Variants in CYP24A1 observed in about 807,000 individuals in gnomAD.
CYP24A1 encodes the protein 1,25-dihydroxyvitamin D(3) 24-hydroxylase, mitochondrial.
A neutral mutation model predicts 62.4 loss-of-function variants in CYP24A1; 68 were observed. The ratio of observed to expected loss-of-function variants is 1.09; its 90% CI spans 0.90 to 1.33. The LOEUF (loss-of-function observed/expected upper bound fraction) is 1.33. CYP24A1 is among the 40% of genes most tolerant of loss of function. The pLI, the probability that CYP24A1 is intolerant of heterozygous loss-of-function variation, is 0.00. For synonymous variants in CYP24A1, 267 were observed against 253.0 expected (o/e 1.06, Z -0.52); for missense variants, 787 against 653.0 (o/e 1.21, Z -2.24).
chr20:54,162,477 G>A, intron 7 of CYP24A1: 2 of 321,664 alleles, frequency 6.2e-6, no homozygotes, highest in South Asian at 3.5e-5. Context: ...CAGAGTTTAA[G>A]CACAGAAGCC....
At chr20:54,172,714 C>T (rs1403295492) in intron 2 of CYP24A1, 195 bp downstream of exon 2, 9 of 1,323,528 alleles carry the variant, frequency 6.8e-6, no homozygotes, top group East Asian at 5.1e-5. Context: ...GTGCACAGCA[C>T]GGCTTTTCCG....
At chr20:54,159,827 A>T (rs2146471697) in intron 7 of CYP24A1, among the ~76,000 whole-genome samples, 1 of 152,358 alleles carries the variant, frequency 6.6e-6, no homozygotes, top group South Asian at 2.1e-4. Flanking sequence ...GGACATTACT[A>T]TTAGTGGAAA....
rs562743240 is a variant in CYP24A1 at position 54,173,886 on chromosome 20, C to G, written c.-307G>C. On this transcript the variant is annotated 5_prime_UTR_variant, in exon 1 of 12. Transcript: ENST00000216862. The surrounding 1 kb of genome is among the most constrained non-coding windows in gnomAD (Gnocchi z 7.2). ...GAAAGCTGGGAGTCCTCCTGTTGGTCCGCAAGGCTGACCTCTAGGGTCTGG... is the reference window on the plus strand; with the variant it reads ...GAAAGCTGGGAGTCCTCCTGTTGGTGCGCAAGGCTGACCTCTAGGGTCTGG... 2.1e-6 allele frequency: 1 copy of G among 486,824 alleles called. No individual in the cohort carries two copies. The highest frequency in any genetic ancestry group is 3.7e-6 in the Non-Finnish European group (1 of 268,780). The allele number at this position is 486,824 out of a possible 1,614,324, so 30.2% of individuals were successfully genotyped here.
At chr20:54,168,698 T>C (rs1233525291) in intron 4 of CYP24A1, among the ~76,000 whole-genome samples, 1 of 151,954 alleles carries the variant, frequency 6.6e-6, no homozygotes, top group Non-Finnish European at 1.5e-5. Context: ...TCTTCTTTAT[T>C]TCTTTTCTTT....
At chr20:54,156,218 T>A (rs1436920637) in intron 11 of CYP24A1, among the ~76,000 whole-genome samples, 2 of 152,138 alleles carry the variant, frequency 1.3e-5, no homozygotes, top group Non-Finnish European at 2.9e-5. Flanking sequence ...AAAATGTGAA[T>A]GCCCTAATCC....
At position 54,171,577 on chromosome 20, in the gene CYP24A1, C is replaced by T. The variant is rs761681149; in HGVS notation, c.543G>A (p.Glu181=). Residue 181 remains glutamate, a splice_region_variant and synonymous_variant, in exon 3 of 12, where the codon GAG becomes GAA. Transcript: ENST00000216862. ...EVMKLDNKIN[E]VLADFMGRID... ...GGAAAGCTGGCCCCAGCCTGCAGAC[C>T]TCATTGATTTTGTTGTCCAGCTTCA... 6.2e-7 allele frequency: 1 copy of T among 1,613,906 alleles called. No homozygotes were observed. The highest frequency in any genetic ancestry group is 1.7e-5 in the Admixed American group (1 of 60,010).
intron 2 of CYP24A1, among the ~76,000 whole-genome samples, chr20:54,172,534 G>A (rs1023266550): frequency 1.3e-5 from 2 of 152,194 alleles, no homozygotes; most frequent in Non-Finnish European, 2.9e-5. Flanking sequence ...GTGTTTCAGG[G>A]AGTTTTAAGG....
chr20:54,173,197 G>A lies in CYP24A1; in HGVS notation c.259-98C>T. 1 of 1,530,360 alleles carries A rather than the reference G, an allele frequency of 6.5e-7. No homozygotes were observed. Among genetic ancestry groups the A allele is most frequent in the Non-Finnish European group, 9.0e-7 (1 of 1,115,306 alleles). 94.8% of individuals were successfully genotyped at this position (1,530,360 alleles called of 1,614,324 possible). ...GCCTCCTTCCTCCTAGGGGACCGGG[G>A]ACCCTCCCTGCCCAGACGCCGAAGC... On this transcript the variant is annotated intron_variant, in intron 1 of 11. Coordinates refer to ENST00000216862, the MANE Select transcript of CYP24A1 (RefSeq NM_000782.5). This position sits in a 1 kb window ranked among gnomAD's most constrained non-coding sequence, Gnocchi z 7.2.
At position 54,157,441 on chromosome 20, in the gene CYP24A1, T is replaced by C. The variant is rs2092632986; in HGVS notation, c.1381A>G (p.Met461Val). The change falls in exon 10 of 12, where the codon ATG becomes GTG. Residue 461 changes from methionine (M) to valine (V), a missense_variant. Met to Val is a conservative substitution (Grantham distance 21, BLOSUM62 1). Transcript: ENST00000216862. ...TCTGCTAATCGGCGACCAATGCACATTCTTTTTCCAACGCCAAATGGAAGA... is the reference window on the plus strand; with the variant it reads ...TCTGCTAATCGGCGACCAATGCACACTCTTTTTCCAACGCCAAATGGAAGA... ...AHLPFGVGKR[M>V]CIGRRLAELQ... 6.2e-7 allele frequency: 1 copy of C among 1,607,960 alleles called. No homozygotes were observed. Among genetic ancestry groups the C allele is most frequent in the Non-Finnish European group, 8.5e-7 (1 of 1,174,348 alleles).
chr20:54,158,097 A>T lies in CYP24A1; in HGVS notation c.1225T>A (p.Leu409Ile), dbSNP rs776207632. 1 of 1,613,936 alleles carries T rather than the reference A, an allele frequency of 6.2e-7. No homozygotes were observed. Among genetic ancestry groups the T allele is most frequent in the Admixed American group, 1.7e-5 (1 of 60,028 alleles). The change falls in exon 9 of 12, where the codon TTA (leucine) becomes ATA (isoleucine). Residue 409 changes from leucine to isoleucine, a missense_variant. Leu to Ile is a conservative substitution (Grantham distance 5, BLOSUM62 2). Coordinates refer to ENST00000216862, the MANE Select transcript of CYP24A1 (RefSeq NM_000782.5). ...DKATVLGEYA[L>I]PKGTVLMLNT... ...CAAATTCTACTTACTCCTTTGGGTAAAGCATATTCACCCAGAACTGTTGCC... is the reference window on the plus strand; with the variant it reads ...CAAATTCTACTTACTCCTTTGGGTATAGCATATTCACCCAGAACTGTTGCC...
downstream of CYP24A1, among the ~76,000 whole-genome samples, chr20:54,148,953 A>G (rs1203910438): frequency 6.6e-6 from 1 of 152,144 alleles, no homozygotes; most frequent in African/African-American, 2.4e-5. Context: ...TCACCACAAT[A>G]GCAAGTTTAT....
chr20:54,155,370 A>C (rs1390137476), intron 11 of CYP24A1, among the ~76,000 whole-genome samples: 1 of 152,168 alleles, frequency 6.6e-6, no homozygotes, highest in Non-Finnish European at 1.5e-5. Flanking sequence ...GGTGCTGCTA[A>C]AAGAACACAA....
chr20:54,167,135 A>G (rs2092675036), intron 4 of CYP24A1, among the ~76,000 whole-genome samples: 1 of 152,168 alleles, frequency 6.6e-6, no homozygotes, highest in East Asian at 1.9e-4. Context: ...AAAGGTAAAC[A>G]AATGGCCTAA....
chr20:54,163,154 C>T (rs1232192294), intron 6 of CYP24A1, among the ~76,000 whole-genome samples: 1 of 152,168 alleles, frequency 6.6e-6, no homozygotes, highest in Admixed American at 6.5e-5. Flanking sequence ...TGGAACTCTG[C>T]ATTCCTAATA....
rs768475357 is a variant in CYP24A1 at position 54,171,569 on chromosome 20, C to A, written c.543+8G>T. The A allele has an allele frequency of 1.2e-6, 2 of 1,613,976 alleles. No homozygotes were observed. The highest frequency in any genetic ancestry group is 2.2e-5 in the South Asian group (2 of 91,066). On this transcript the variant is annotated splice_region_variant and intron_variant, in intron 3 of 11. Transcript: ENST00000216862. The stretch of plus-strand genomic sequence containing the variant: ...GAGCCCCAGGAAAGCTGGCCCCAGC[C>A]TGCAGACCTCATTGATTTTGTTGTC...
chr20:54,157,195 GC>G lies in CYP24A1; in HGVS notation c.1528del (p.Ala510ArgfsTer66). 1 of 1,598,910 alleles carries G rather than the reference GC, an allele frequency of 6.3e-7. No individual in the cohort carries two copies. The highest frequency in any genetic ancestry group is 1.3e-5 in the African/African-American group (1 of 74,632). On this transcript the variant is annotated frameshift_variant, in exon 11 of 12. Coordinates refer to ENST00000216862, the MANE Select transcript of CYP24A1 (RefSeq NM_000782.5). LOFTEE classifies it high-confidence loss of function. ...TGAGGCGTATTATCGCTGGCAAAAC[GC>G]GATGGGGAGTTCCCGGCTGGGCACC... ...TLVPSRELPI[A>X]FCQR
At position 54,172,973 on chromosome 20, in the gene CYP24A1, G is replaced by A. The variant is rs149806586; in HGVS notation, c.385C>T (p.Leu129=). 1 of 1,613,202 alleles carries A rather than the reference G, an allele frequency of 6.2e-7. No homozygotes were observed. Among genetic ancestry groups the A allele is most frequent in the Non-Finnish European group, 8.5e-7 (1 of 1,180,036 alleles). ...YRTESAYPQR[L]EIKPWKAYRD... is the part of the protein sequence containing the mutation. Reference sequence around the variant, plus strand: ...TAGGCCTTCCACGGTTTGATCTCCAGCCGCTGCGGGTACGCGCTCTCGGTG... The same window carrying A: ...TAGGCCTTCCACGGTTTGATCTCCAACCGCTGCGGGTACGCGCTCTCGGTG... The change falls in exon 2 of 12, where the codon CTG becomes TTG. Residue 129 remains leucine (L), a synonymous_variant. Transcript: ENST00000216862.
chr20:54,165,690 C>G, intron 5 of CYP24A1, 52 bp downstream of exon 5: 1 of 922,808 alleles, frequency 1.1e-6, no homozygotes, highest in Non-Finnish European at 1.8e-6. Context: ...CTGTAAAAAT[C>G]GATCTGTAAA....
At chr20:54,162,245 T>TTTTTA (rs2092653745) in intron 7 of CYP24A1, among the ~76,000 whole-genome samples, 1 of 109,188 alleles carries the variant, frequency 9.2e-6, no homozygotes, top group African/African-American at 3.0e-5. Context: ...TTTTTTTTTT[T>TTTTTA]TTTTTTTTTA....
Sources: gnomAD v4.1 joint callset for allele counts (sites outside exome capture counted in the v4.1 genomes callset) on GRCh38, gnomAD v4.1.1 for gene constraint, Gnocchi (gnomAD v3.1) non-coding constraint, MANE v1.5 for transcripts, NCBI Gene and HGNC (gene_info 2026-07-23, HGNC 2026-07-21) for gene names.